GRIA4: variants seen among roughly 807,000 people sequenced by gnomAD.
GRIA4 encodes the protein glutamate ionotropic receptor AMPA type subunit 4.
GRIA4 carries 34 observed loss-of-function variants against 104.0 expected under a neutral mutation model. That is an observed-to-expected ratio of 0.33 (90% CI 0.25 to 0.44). The LOEUF is 0.44. Ranked by LOEUF, GRIA4 falls within the 20% of genes least tolerant of loss-of-function variation. The pLI is 1.00. For missense variants in GRIA4, 750 were observed against 1,096.5 expected (o/e 0.68, Z 4.46); for synonymous variants, 386 against 381.9 (o/e 1.01, Z -0.13).
chr11:105,925,212 C>T (rs1200241630), intron 12 of GRIA4, among the ~76,000 whole-genome samples: 3 of 152,092 alleles, frequency 2.0e-5, no homozygotes, highest in Non-Finnish European at 2.9e-5. Context: ...AAGGGAGATA[C>T]CTGGAACCTG....
chr11:105,979,055 C>T (rs1048397719), intron 16 of GRIA4, among the ~76,000 whole-genome samples: 2 of 152,148 alleles, frequency 1.3e-5, no homozygotes, highest in African/African-American at 4.8e-5. Context: ...TGGGTCATGT[C>T]TATAACTGGT....
At chr11:105,760,982 A>G (rs535651718) in intron 4 of GRIA4, among the ~76,000 whole-genome samples, 111 of 152,310 alleles carry the variant, frequency 7.3e-4, no homozygotes, top group Non-Finnish European at 1.3e-3. Flanking sequence ...AATACAGTGC[A>G]AGACCTATGT....
In GRIA4 at chr11:105,915,135, T is replaced by C. The variant is rs550206966; in HGVS notation, c.1270-3577T>C. 7.2e-5 allele frequency among the ~76,000 whole-genome samples: 11 copies of C among 152,272 alleles called. No individual in the cohort carries two copies. In the South Asian group the frequency reaches 1.0e-3, roughly 14 times the overall value. The stretch of plus-strand genomic sequence containing the variant: ...AAGAAACAGCAGAGCTGAGCAACCA[T>C]GGGAGACATCGTTCAAGGAAAGCCT... On this transcript the variant is annotated intron_variant, in intron 10 of 16. Coordinates refer to ENST00000282499, the MANE Select transcript of GRIA4 (RefSeq NM_000829.4).
chr11:105,836,629 T>C (rs1352723545), intron 4 of GRIA4, among the ~76,000 whole-genome samples: 1 of 152,138 alleles, frequency 6.6e-6, no homozygotes, highest in Non-Finnish European at 1.5e-5. Context: ...TCTCAAACTT[T>C]ATTTTCCACA....
intron 14 of GRIA4, among the ~76,000 whole-genome samples, chr11:105,958,667 T>A (rs573779855): frequency 6.6e-6 from 1 of 152,298 alleles, no homozygotes; most frequent in Non-Finnish European, 1.5e-5. Flanking sequence ...TTCTATTGAT[T>A]GTAATTGTTT....
Position 105,695,924 on chromosome 11 carries a change from A to G in GRIA4, c.248-57057A>G, listed in dbSNP as rs144830428. Among the ~76,000 whole-genome samples the G allele has an allele frequency of 2.0e-3, 307 of 152,286 alleles. 5 individuals are homozygous for G. Among genetic ancestry groups the G allele is most frequent in the Admixed American group, 0.019 (288 of 15,288 alleles). On this transcript the variant is annotated intron_variant, in intron 3 of 16. Transcript: ENST00000282499. ...CTAGTCTCTCTTGGATCCAATTTGT[A>G]TCCCCTTGTTAAAAAGTCTGTAAAA...
intron 4 of GRIA4, among the ~76,000 whole-genome samples, chr11:105,766,470 G>C (rs1007343125): frequency 4.6e-5 from 7 of 152,008 alleles, no homozygotes; most frequent in African/African-American, 1.7e-4. Context: ...TTGTGTTATT[G>C]ATATGAGCTT....
rs575931112 is a variant in GRIA4, at chr11:105,952,743, C to T, written c.2294+18774C>T. ...TAATTACATATATGTCATCTAAAAC[C>T]CAAACCAAAGACACTAAATCCTTCC... is the stretch of plus-strand genomic sequence containing the variant. On this transcript the variant is annotated intron_variant, in intron 14 of 16. Transcript: ENST00000282499. 8.5e-4 allele frequency among the ~76,000 whole-genome samples: 130 copies of T among 152,208 alleles called. 2 individuals are homozygous for T. Among genetic ancestry groups the T allele is most frequent in the African/African-American group, 2.9e-3 (119 of 41,540 alleles).
At chr11:105,737,710 A>C (rs1939043043) in intron 3 of GRIA4, among the ~76,000 whole-genome samples, 1 of 152,156 alleles carries the variant, frequency 6.6e-6, no homozygotes, top group African/African-American at 2.4e-5. Flanking sequence ...TATAATGGTC[A>C]AAATCCCTTC....
At chr11:105,715,590 AT>A (rs1194026816) in intron 3 of GRIA4, among the ~76,000 whole-genome samples, 1 of 152,192 alleles carries the variant, frequency 6.6e-6, no homozygotes, top group Non-Finnish European at 1.5e-5. Context: ...CAGTTTTTAG[AT>A]AATAGAATAT....
chr11:105,732,540 T>C (rs896395406), intron 3 of GRIA4, among the ~76,000 whole-genome samples: 1 of 152,108 alleles, frequency 6.6e-6, no homozygotes, highest in Non-Finnish European at 1.5e-5. Flanking sequence ...GACTCCTGCA[T>C]GGAAAAACAA....
At chr11:105,628,406 C>G (rs1950943465) in intron 3 of GRIA4, among the ~76,000 whole-genome samples, 1 of 152,094 alleles carries the variant, frequency 6.6e-6, no homozygotes, top group South Asian at 2.1e-4. Context: ...CACATCTCAT[C>G]TTGAATTGTA....
At chr11:105,725,650 C>A (rs987301638) in intron 3 of GRIA4, among the ~76,000 whole-genome samples, 9 of 152,014 alleles carry the variant, frequency 5.9e-5, no homozygotes, top group Admixed American at 1.3e-4. Flanking sequence ...CCCAGTGAGA[C>A]CAACACAGAA....
intron 4 of GRIA4, among the ~76,000 whole-genome samples, chr11:105,790,730 C>T (rs1226230037): frequency 6.6e-6 from 1 of 152,176 alleles, no homozygotes; most frequent in Non-Finnish European, 1.5e-5. Context: ...CATGGTACTA[C>T]TGACACTTTA....
intron 14 of GRIA4, among the ~76,000 whole-genome samples, chr11:105,943,735 T>C (rs1171586677): frequency 6.6e-6 from 1 of 152,108 alleles, no homozygotes; most frequent in Non-Finnish European, 1.5e-5. Flanking sequence ...AAAGATATTG[T>C]CTTCAAAACT....
intron 3 of GRIA4, among the ~76,000 whole-genome samples, chr11:105,619,706 G>A (rs978177953): frequency 7.9e-5 from 12 of 151,968 alleles, no homozygotes; most frequent in Non-Finnish European, 1.3e-4. Flanking sequence ...TGCACAGTGT[G>A]TGTGTGTTTA....
intron 3 of GRIA4, among the ~76,000 whole-genome samples, chr11:105,652,600 T>C (rs1377707448): frequency 2.0e-5 from 3 of 152,200 alleles, no homozygotes; most frequent in Admixed American, 1.3e-4. Context: ...GCCTCTTCAT[T>C]TCAGATAAGT....
chr11:105,875,009 C>G (rs1447871872), intron 5 of GRIA4, among the ~76,000 whole-genome samples: 1 of 152,182 alleles, frequency 6.6e-6, no homozygotes, highest in Non-Finnish European at 1.5e-5. Context: ...AAAGGGAATG[C>G]TTCCAGCTTT....
At position 105,671,016 on chromosome 11, in the gene GRIA4, T is replaced by A. The variant is rs1445617; in HGVS notation, c.247+58582T>A. Among the ~76,000 whole-genome samples, 4 of 151,928 alleles carry A rather than the reference T, an allele frequency of 2.6e-5. No homozygotes were observed. In the South Asian group the frequency reaches 8.3e-4, roughly 32 times the overall value. On this transcript the variant is annotated intron_variant, in intron 3 of 16. Coordinates refer to ENST00000282499, the MANE Select transcript of GRIA4 (RefSeq NM_000829.4). ...TCTTCAAAGATGACAACATTGCATC[T>A]CTCTCTGCCCTTTTTCCACACTGAG...
Sources: gnomAD v4.1 joint callset for allele counts (sites outside exome capture counted in the v4.1 genomes callset) on GRCh38, gnomAD v4.1.1 for gene constraint, MANE v1.5 for transcripts, NCBI Gene and HGNC (gene_info 2026-07-23, HGNC 2026-07-21) for gene names.